Variants in CAPN11 observed in about 807,000 individuals in gnomAD.
The protein encoded by CAPN11 is calpain-11.
CAPN11 carries 108 observed loss-of-function variants against 105.3 expected under a neutral mutation model. The observed-to-expected ratio is 1.03, with a 90% CI of 0.88 to 1.20. The LOEUF is 1.20. Among genes scored for constraint, CAPN11 ranks in the 50% most tolerant of loss-of-function variants. The pLI is 0.00. For synonymous variants in CAPN11, 329 were observed against 344.5 expected, an observed-to-expected ratio of 0.96 and a Z score of 0.50; for missense variants, 883 against 924.8, an observed-to-expected ratio of 0.95 and a Z score of 0.59.
chr6:44,172,757 G>A (rs773405810), intron 5 of CAPN11, among the ~76,000 whole-genome samples, 183 bp from the exon 6 acceptor site: 9 of 152,152 alleles, frequency 5.9e-5, no homozygotes, highest in Non-Finnish European at 8.8e-5. Flanking sequence ...ATTCCCCTCT[G>A]GAGACCGTGG....
At position 44,169,449 on chromosome 6, in the gene CAPN11, CT is replaced by C; in HGVS notation, c.258del (p.Ala87LeufsTer30). The C allele has an allele frequency of 6.2e-7, 1 of 1,612,492 alleles. No individual in the cohort carries two copies. The highest frequency in any genetic ancestry group is 1.1e-5 in the South Asian group (1 of 90,696). On this transcript the variant is annotated frameshift_variant, in exon 3 of 23. Coordinates refer to ENST00000398776, the MANE Select transcript of CAPN11 (RefSeq NM_007058.4). LOFTEE classifies it high-confidence loss of function. ...KGELFEDPLF[P>X]AEPSSLGFKD... ...GAGCTCTTCGAGGACCCCTTATTCC[CT>C]GCTGAACCCAGCTCACTGGGCTTCA... is the stretch of plus-strand genomic sequence containing the variant.
At chr6:44,162,287 C>A (rs1156471183) in intron 1 of CAPN11, among the ~76,000 whole-genome samples, 1 of 151,864 alleles carries the variant, frequency 6.6e-6, no homozygotes, top group African/African-American at 2.4e-5. Context: ...TCCACCCTTC[C>A]CTCGGAACCC....
chr6:44,161,686 G>C (rs1473448541), intron 1 of CAPN11: 1 of 428,422 alleles, frequency 2.3e-6, no homozygotes, highest in Non-Finnish European at 4.8e-6. Flanking sequence ...AGGGCTCTGG[G>C]GAAATGAGAC....
intron 1 of CAPN11, 59 bp downstream of exon 1, chr6:44,158,923 C>A: frequency 7.0e-7 from 1 of 1,425,850 alleles, no homozygotes. Flanking sequence ...GAGCCTCCCC[C>A]CAGGGGAGGA....
At chr6:44,183,643 T>TA (rs1774141921) in intron 21 of CAPN11, 62 bp from the exon 22 acceptor site, 1 of 1,503,712 alleles carries the variant, frequency 6.7e-7, no homozygotes, top group African/African-American at 1.4e-5. Flanking sequence ...TAGTTGGGAG[T>TA]GGTTCTTTCG....
In CAPN11 at chr6:44,159,961, C is replaced by T. The variant is rs534370945; in HGVS notation, c.16+1097C>T. On this transcript the variant is annotated intron_variant, in intron 1 of 22. Coordinates refer to ENST00000398776, the MANE Select transcript of CAPN11 (RefSeq NM_007058.4). Reference sequence around the variant, plus strand: ...ACCAGCCTGGCCAACATAGTGAAACCGTGTCTCTACTAAAATACAAAAATT... The same window carrying T: ...ACCAGCCTGGCCAACATAGTGAAACTGTGTCTCTACTAAAATACAAAAATT... Among the ~76,000 whole-genome samples the T allele has an allele frequency of 1.6e-3, 249 of 152,044 alleles. 1 individual carries two copies. Among genetic ancestry groups the T allele is most frequent in the Non-Finnish European group, 3.1e-3 (213 of 67,986 alleles).
At chr6:44,159,547 A>T (rs1387966764) in intron 1 of CAPN11, among the ~76,000 whole-genome samples, 1 of 152,030 alleles carries the variant, frequency 6.6e-6, no homozygotes, top group Admixed American at 6.5e-5. Flanking sequence ...CCAGCCTCCC[A>T]GCTTCTCAGG....
intron 9 of CAPN11, 24 bp downstream of exon 9, chr6:44,176,362 G>A: frequency 1.2e-6 from 2 of 1,602,400 alleles, no homozygotes; most frequent in Middle Eastern, 1.7e-4. Flanking sequence ...ACCCAGGTGA[G>A]GGGTGGTCGG....
intron 1 of CAPN11, among the ~76,000 whole-genome samples, chr6:44,161,479 C>T (rs1035041242): frequency 2.6e-5 from 4 of 152,164 alleles, no homozygotes; most frequent in Middle Eastern, 3.2e-3. Context: ...GGATTACAGG[C>T]GTGAGCCACA....
Position 44,169,305 on chromosome 6 carries a change from T to C in CAPN11, c.113T>C (p.Met38Thr), listed in dbSNP as rs1261218962. 6.2e-7 allele frequency: 1 copy of C among 1,611,782 alleles called. No individual in the cohort carries two copies. The highest frequency in any genetic ancestry group is 1.1e-5 in the South Asian group (1 of 90,612). ...CAEPTFTDTGMVAHINNSRLK... is the reference protein window; with the variant it reads ...CAEPTFTDTGTVAHINNSRLK... ...GAGCCCACTTTTACTGATACGGGAA[T>C]GGTGGCTCACATAAACAACAGCCGG... The change falls in exon 3 of 23, where the codon ATG becomes ACG. Residue 38 changes from methionine to threonine, a missense_variant. Physicochemically the swap from Met to Thr is moderately conservative, Grantham distance 81. Transcript: ENST00000398776.
rs377531303 is a variant in CAPN11, at chr6:44,177,461, C to T, written c.1416+41C>T. On this transcript the variant is annotated intron_variant, in intron 12 of 22. Coordinates refer to ENST00000398776, the MANE Select transcript of CAPN11 (RefSeq NM_007058.4). The stretch of plus-strand genomic sequence containing the variant: ...GTCTCGCCCGCCACTCACTCTCCCT[C>T]ACCTGACCTCACTCCTTTCTTTCTT... 1.4e-4 allele frequency: 207 copies of T among 1,516,150 alleles called. 1 individual carries two copies. The South Asian group carries it at 2.1e-3, about 15-fold the overall frequency. 93.9% of individuals were successfully genotyped at this position (1,516,150 alleles called of 1,614,324 possible). A position where few individuals can be genotyped will look rare whatever the true frequency, so the allele number is the denominator to read the frequency against.
chr6:44,169,226 G>A (rs1770554252), intron 2 of CAPN11, 55 bp from the exon 3 acceptor site: 1 of 1,522,616 alleles, frequency 6.6e-7, no homozygotes, highest in African/African-American at 1.4e-5. Context: ...GAACCACTGT[G>A]CCCAGCTTAT....
intron 4 of CAPN11, among the ~76,000 whole-genome samples, chr6:44,171,232 C>T (rs9381296): frequency 0.46 from 69,548 of 152,056 alleles, 16,212 homozygotes; most frequent in Non-Finnish European, 0.48. Context: ...CCCTGGACCC[C>T]ACCCAGCAAG....
chr6:44,171,028 G>A (rs1417466759), intron 4 of CAPN11, among the ~76,000 whole-genome samples: 1 of 152,168 alleles, frequency 6.6e-6, no homozygotes, highest in Non-Finnish European at 1.5e-5. Context: ...CCGCTGCTGT[G>A]GCCGCTGTGG....
At position 44,180,963 on chromosome 6, in the gene CAPN11, T is replaced by C; in HGVS notation, c.1835T>C (p.Leu612Pro). 6.2e-7 allele frequency: 1 copy of C among 1,613,786 alleles called. No individual in the cohort carries two copies. The highest frequency in any genetic ancestry group is 8.5e-7 in the Non-Finnish European group (1 of 1,179,758). ...FKSFKTKGFG[L>P]DACRCMINLM... Reference sequence around the variant, plus strand: ...AGCTTCAAGACCAAGGGCTTTGGCCTGGATGCTTGCCGCTGCATGATCAAC... The same window carrying C: ...AGCTTCAAGACCAAGGGCTTTGGCCCGGATGCTTGCCGCTGCATGATCAAC... Residue 612 changes from leucine (L) to proline (P), a missense_variant, in exon 18 of 23, where the codon CTG becomes CCG. Coordinates refer to ENST00000398776, the MANE Select transcript of CAPN11 (RefSeq NM_007058.4).
Position 44,181,490 on chromosome 6 carries a change from C to CCA in CAPN11, c.1938+188_1938+189dup, listed in dbSNP as rs373056696. 7.3e-4 allele frequency among the ~76,000 whole-genome samples: 35 copies of CCA among 47,848 alleles called. 1 individual carries two copies. The highest frequency in any genetic ancestry group is 3.6e-3 in the South Asian group (5 of 1,380). 31.4% of individuals were successfully genotyped at this position (47,848 alleles called of 152,430 possible). On this transcript the variant is annotated intron_variant, in intron 19 of 22. Coordinates refer to ENST00000398776, the MANE Select transcript of CAPN11 (RefSeq NM_007058.4). ...ACACTCACATACAGACACAACCACACCACACACACACACACACACTCACAT... is the reference window on the plus strand; with the variant it reads ...ACACTCACATACAGACACAACCACACCACACACACACACACACACACTCACAT...
Position 44,170,870 on chromosome 6 carries a change from G to A in CAPN11, c.409+895G>A, listed in dbSNP as rs79839608. Among the ~76,000 whole-genome samples, 407 of 152,014 alleles carry A rather than the reference G, an allele frequency of 2.7e-3. 3 individuals carry two copies. The highest frequency in any genetic ancestry group is 9.3e-3 in the African/African-American group (385 of 41,434). On this transcript the variant is annotated intron_variant, in intron 4 of 22. Coordinates refer to ENST00000398776, the MANE Select transcript of CAPN11 (RefSeq NM_007058.4). ...GATCTTTCTCCCTAAGTCTGGTCCC[G>A]TTCAAGGGTTTCTTCCAGATCCCTC...
rs900170020 is a variant in CAPN11 at position 44,176,332 on chromosome 6, G to A, written c.995G>A (p.Ser332Asn). 4.3e-6 allele frequency: 7 copies of A among 1,613,744 alleles called. No individual in the cohort carries two copies. The highest frequency in any genetic ancestry group is 3.3e-4 in the Middle Eastern group (2 of 6,060). Reference protein sequence around the residue: ...WGRIEWNGAWSDSAREWEEVA... With the variant: ...WGRIEWNGAWNDSAREWEEVA... ...CGGATTGAGTGGAATGGAGCTTGGA[G>A]TGACAGGTAGGTGTCCCCAACCCAG... The change falls in exon 9 of 23, where the codon AGT (serine) becomes AAT (asparagine). Residue 332 changes from serine (S) to asparagine (N), a missense_variant. Ser to Asn is a conservative substitution (Grantham distance 46, BLOSUM62 1). Transcript: ENST00000398776.
At chr6:44,167,224 C>T (rs1482390799) in intron 2 of CAPN11, among the ~76,000 whole-genome samples, 7 of 152,086 alleles carry the variant, frequency 4.6e-5, no homozygotes, top group Non-Finnish European at 7.4e-5. Context: ...CTAGGCCGGG[C>T]GTGGTGGCTC....
Sources: gnomAD v4.1 joint callset for allele counts (sites outside exome capture counted in the v4.1 genomes callset) on GRCh38, gnomAD v4.1.1 for gene constraint, MANE v1.5 for transcripts, NCBI Gene and HGNC (gene_info 2026-07-23, HGNC 2026-07-21) for gene names.